Variants in OR51B5 observed in about 807,000 individuals in gnomAD.
The protein encoded by OR51B5 is olfactory receptor family 51 subfamily B member 5.
For synonymous variants in OR51B5, 186 were observed against 144.8 expected (o/e 1.28, Z -2.04); for missense variants, 456 against 374.6 (o/e 1.22, Z -1.79).
chr11:5,375,843 C>G (rs182063275), intron 1 of OR51B5, among the ~76,000 whole-genome samples: 1 of 152,166 alleles, frequency 6.6e-6, no homozygotes, highest in Non-Finnish European at 1.5e-5. Flanking sequence ...GAGACTTAGA[C>G]TCCCACACTT....
chr11:5,428,272 CAAAAA>C (rs146834692), intron 1 of OR51B5, among the ~76,000 whole-genome samples: 3 of 150,934 alleles, frequency 2.0e-5, no homozygotes, highest in Non-Finnish European at 3.0e-5. Flanking sequence ...GTGAATATTG[CAAAAA>C]AAAGAGTCAT....
At chr11:5,443,727 T>C (rs1429780950) in intron 1 of OR51B5, among the ~76,000 whole-genome samples, 1 of 151,944 alleles carries the variant, frequency 6.6e-6, no homozygotes, top group Non-Finnish European at 1.5e-5. Flanking sequence ...TGGAGAAAAT[T>C]CCCCACCACC....
At chr11:5,461,279 C>T (rs920262875) in intron 1 of OR51B5, among the ~76,000 whole-genome samples, 4 of 152,064 alleles carry the variant, frequency 2.6e-5, no homozygotes, top group African/African-American at 4.8e-5. Flanking sequence ...CGAGGCGCGC[C>T]GGCGGGGAAG....
intron 1 of OR51B5, among the ~76,000 whole-genome samples, chr11:5,367,064 T>G (rs16930124): frequency 0.27 from 41,402 of 152,056 alleles, 5,918 homozygotes; most frequent in African/African-American, 0.33. Flanking sequence ...ACCAAAGACA[T>G]TCTCTCAAGT....
At chr11:5,373,012 A>C (rs1174182599) in intron 1 of OR51B5, among the ~76,000 whole-genome samples, 1 of 152,230 alleles carries the variant, frequency 6.6e-6, no homozygotes, top group Non-Finnish European at 1.5e-5. Context: ...GCCCAGAAAT[A>C]AATTTACGTA....
intron 1 of OR51B5, among the ~76,000 whole-genome samples, chr11:5,396,339 A>G (rs532413808): frequency 2.0e-5 from 3 of 152,334 alleles, no homozygotes; most frequent in Non-Finnish European, 2.9e-5. Flanking sequence ...TCAGCCCAAA[A>G]TCCCCTTAAG....
At chr11:5,430,709 G>C in intron 1 of OR51B5, 1 of 456,720 alleles carries the variant, frequency 2.2e-6, no homozygotes, top group South Asian at 1.5e-5. Flanking sequence ...CTTATTGTCT[G>C]GGTCTTAACA....
chr11:5,399,940 A>G (rs1849942463), intron 1 of OR51B5, among the ~76,000 whole-genome samples: 1 of 152,188 alleles, frequency 6.6e-6, no homozygotes, highest in Admixed American at 6.5e-5. Flanking sequence ...AGTGGGATCA[A>G]GGATTCAGTA....
At chr11:5,430,774 A>G (rs1201497725) in intron 1 of OR51B5, 1 of 457,164 alleles carries the variant, frequency 2.2e-6, no homozygotes, top group East Asian at 6.9e-5. Context: ...GCTAGACATA[A>G]GTGTGTGGAC....
intron 1 of OR51B5, among the ~76,000 whole-genome samples, chr11:5,477,868 C>A (rs1373998396): frequency 6.6e-6 from 1 of 152,258 alleles, no homozygotes; most frequent in East Asian, 1.9e-4. Context: ...CCTACGCCCA[C>A]GGAGTCTCCC....
At chr11:5,452,504 C>CAAAAAAAAAAAAAAAAAAAAAAAAA in intron 1 of OR51B5, among the ~76,000 whole-genome samples, 2 of 69,188 alleles carry the variant, frequency 2.9e-5, no homozygotes, top group Non-Finnish European at 5.2e-5. Flanking sequence ...GACTCTGTCT[C>CAAAAAAAAAAAAAAAAAAAAAAAAA]AAAAAAAAAA....
chr11:5,408,519 G>C (rs7934316), intron 1 of OR51B5, among the ~76,000 whole-genome samples: 55,324 of 151,898 alleles, frequency 0.36, 10,175 homozygotes, highest in South Asian at 0.43. Context: ...TAAAACAAGA[G>C]AAGTCATTCA....
intron 1 of OR51B5, chr11:5,351,367 A>T: frequency 1.6e-6 from 1 of 637,610 alleles, no homozygotes; most frequent in Non-Finnish European, 2.7e-6. Flanking sequence ...AGGAATGACT[A>T]AATTATCATC....
chr11:5,406,896 A>T (rs4910781), intron 1 of OR51B5, among the ~76,000 whole-genome samples: 1 of 151,940 alleles, frequency 6.6e-6, no homozygotes, highest in South Asian at 2.1e-4. Context: ...TTGGAGTACA[A>T]GGAGACAACT....
At chr11:5,505,345 A>T (rs1846356803) in intron 1 of OR51B5, 14 of 1,303,924 alleles carry the variant, frequency 1.1e-5, no homozygotes, top group Non-Finnish European at 1.3e-5. Flanking sequence ...GACCCAGAGA[A>T]CTCACCTCAT....
chr11:5,384,397 A>G (rs1849653739), intron 1 of OR51B5, among the ~76,000 whole-genome samples: 1 of 151,858 alleles, frequency 6.6e-6, no homozygotes, highest in Admixed American at 6.5e-5. Flanking sequence ...TTCTCACAGA[A>G]TCTCTTCTGA....
intron 1 of OR51B5, chr11:5,390,213 T>C: frequency 6.2e-7 from 1 of 1,614,028 alleles, no homozygotes; most frequent in Non-Finnish European, 8.5e-7. Context: ...GGGCTGTCCC[T>C]GGTGCACCGT....
chr11:5,403,012 C>T (rs1849996328), intron 1 of OR51B5: 1 of 471,448 alleles, frequency 2.1e-6, no homozygotes, highest in African/African-American at 2.0e-5. Flanking sequence ...CACAGCTATC[C>T]TGACACTGCC....
downstream of OR51B5, among the ~76,000 whole-genome samples, chr11:5,341,712 T>C (rs1848895975): frequency 6.6e-6 from 1 of 152,178 alleles, no homozygotes; most frequent in Non-Finnish European, 1.5e-5. Flanking sequence ...AAACCTATTT[T>C]TTTTTGTTCC....
Sources: allele counts gnomAD v4.1 joint callset (sites outside exome capture counted in the v4.1 genomes callset), GRCh38; gene constraint gnomAD v4.1.1; transcripts MANE v1.5; gene names NCBI Gene and HGNC (gene_info 2026-07-23, HGNC 2026-07-21).